The following PPP1R12B variants were observed in gnomAD, a reference collection of about 807,000 sequenced individuals.
PPP1R12B encodes the protein myosin phosphatase target subunit 2.
In PPP1R12B, 76 loss-of-function variants were observed where a neutral mutation model predicts 126.1. The ratio of observed to expected loss-of-function variants is 0.60; its 90% CI spans 0.50 to 0.73. PPP1R12B has a LOEUF of 0.73. Among genes scored for constraint, PPP1R12B ranks in the 30% least tolerant of loss-of-function variants. The probability of loss-of-function intolerance (pLI) is 0.00; values close to 1 mark genes in which losing one functional copy is unlikely to be tolerated. For missense variants in PPP1R12B, 1,052 were observed against 1,205.1 expected, an observed-to-expected ratio of 0.87 and a Z score of 1.88; for synonymous variants, 356 against 434.7, an observed-to-expected ratio of 0.82 and a Z score of 2.25.
chr1:202,407,418 T>C (rs1439854866), intron 1 of PPP1R12B, among the ~76,000 whole-genome samples: 1 of 152,202 alleles, frequency 6.6e-6, no homozygotes, highest in East Asian at 1.9e-4. Context: ...AGTATGACAC[T>C]TCATGGAAAA....
At chr1:202,480,932 A>G (rs776860282) in intron 13 of PPP1R12B, among the ~76,000 whole-genome samples, 5 of 152,202 alleles carry the variant, frequency 3.3e-5, no homozygotes, top group Non-Finnish European at 5.9e-5. Context: ...TTTTGGCACC[A>G]GGGACTGGTT....
chr1:202,528,662 C>T (rs1354854544), intron 18 of PPP1R12B, among the ~76,000 whole-genome samples: 2 of 152,136 alleles, frequency 1.3e-5, no homozygotes, highest in Admixed American at 1.3e-4. Context: ...GGAATTGTTT[C>T]CCCCATCCCC....
intron 20 of PPP1R12B, 117 bp downstream of exon 20, chr1:202,563,039 GTAA>G (rs1687689521): frequency 1.7e-6 from 2 of 1,185,698 alleles, no homozygotes; most frequent in Non-Finnish European, 2.3e-6. Context: ...AGGCACTTAA[GTAA>G]TAATAATTCC....
intron 1 of PPP1R12B, among the ~76,000 whole-genome samples, chr1:202,367,933 A>G (rs975257573): frequency 6.6e-6 from 1 of 151,718 alleles, no homozygotes; most frequent in African/African-American, 2.4e-5. Context: ...GCTGTTCTCA[A>G]GATAGTGAGT....
chr1:202,571,870 A>T (rs1229059370), intron 23 of PPP1R12B, among the ~76,000 whole-genome samples: 5 of 152,168 alleles, frequency 3.3e-5, no homozygotes, highest in African/African-American at 1.2e-4. Context: ...TAAAGCCCCT[A>T]AACACTATTT....
At chr1:202,493,752 A>G (rs1224827430) in intron 15 of PPP1R12B, among the ~76,000 whole-genome samples, 2 of 152,322 alleles carry the variant, frequency 1.3e-5, no homozygotes, top group African/African-American at 4.8e-5. Flanking sequence ...AAATTGAATC[A>G]CAGAGGTTAA....
At chr1:202,530,259 C>T (rs2148936704) in intron 18 of PPP1R12B, among the ~76,000 whole-genome samples, 1 of 152,268 alleles carries the variant, frequency 6.6e-6, no homozygotes, top group Non-Finnish European at 1.5e-5. Flanking sequence ...ATGCCAGTAG[C>T]ACCCTCCAAT....
intron 18 of PPP1R12B, among the ~76,000 whole-genome samples, chr1:202,545,961 A>T (rs1474562405): frequency 6.6e-6 from 1 of 152,164 alleles, no homozygotes; most frequent in Non-Finnish European, 1.5e-5. Context: ...AATTTTGAGG[A>T]TTTGGGGAGT....
At chr1:202,563,540 G>C (rs561528376) in intron 20 of PPP1R12B, among the ~76,000 whole-genome samples, 9 of 149,722 alleles carry the variant, frequency 6.0e-5, no homozygotes, top group Non-Finnish European at 1.2e-4. Context: ...GAGCCCCTGA[G>C]AATCATTTGG....
chr1:202,381,755 A>G (rs1468637074), intron 1 of PPP1R12B, among the ~76,000 whole-genome samples: 1 of 152,182 alleles, frequency 6.6e-6, no homozygotes, highest in Non-Finnish European at 1.5e-5. Context: ...TAGCATGTTA[A>G]TATTAGAATT....
At chr1:202,541,843 T>A (rs995305490) in intron 18 of PPP1R12B, among the ~76,000 whole-genome samples, 1 of 152,116 alleles carries the variant, frequency 6.6e-6, no homozygotes, top group African/African-American at 2.4e-5. Context: ...CCACCCCTCA[T>A]CCCTGCCTTT....
intron 13 of PPP1R12B, among the ~76,000 whole-genome samples, chr1:202,456,009 CTG>C (rs1050197451): frequency 6.6e-6 from 1 of 152,118 alleles, no homozygotes; most frequent in African/African-American, 2.4e-5. Flanking sequence ...TGACTCATGT[CTG>C]TAATCCCAGC....
At chr1:202,412,405 G>A (rs541886507) in intron 1 of PPP1R12B, among the ~76,000 whole-genome samples, 1 of 152,336 alleles carries the variant, frequency 6.6e-6, no homozygotes, top group African/African-American at 2.4e-5. Flanking sequence ...GAAGTAAGAG[G>A]GGAGGAAAGA....
chr1:202,490,145 G>A (rs777603929), intron 14 of PPP1R12B, among the ~76,000 whole-genome samples: 3 of 152,160 alleles, frequency 2.0e-5, no homozygotes, highest in Non-Finnish European at 4.4e-5. Flanking sequence ...AGAAAGATGA[G>A]CCCATGAAAC....
chr1:202,446,256 A>ATATTTTTTT (rs376183502), intron 12 of PPP1R12B, among the ~76,000 whole-genome samples: 5 of 54,340 alleles, frequency 9.2e-5, no homozygotes, highest in East Asian at 7.9e-4. Context: ...ATATATATAT[A>ATATTTTTTT]TTTTTTTTTT....
chr1:202,445,058 T>A, intron 12 of PPP1R12B: 1 of 1,247,314 alleles, frequency 8.0e-7, no homozygotes, highest in East Asian at 3.2e-5. Context: ...CTTCATTTGG[T>A]AGAAGTAGTG....
At chr1:202,520,801 A>G (rs1324723016) in intron 18 of PPP1R12B, among the ~76,000 whole-genome samples, 2 of 152,242 alleles carry the variant, frequency 1.3e-5, no homozygotes, top group East Asian at 1.9e-4. Context: ...GAAATTATGC[A>G]TAAATATTTT....
At chr1:202,579,006 C>T (rs1192217681) in intron 23 of PPP1R12B, among the ~76,000 whole-genome samples, 1 of 152,180 alleles carries the variant, frequency 6.6e-6, no homozygotes, top group Non-Finnish European at 1.5e-5. Flanking sequence ...CTAGTTATGG[C>T]ACTTTTCATT....
In PPP1R12B at chr1:202,448,973, T is replaced by C. The variant is rs34198651; in HGVS notation, c.1668-16T>C. 1 of 1,612,662 alleles carries C rather than the reference T, an allele frequency of 6.2e-7. No individual in the cohort carries two copies. Among genetic ancestry groups the C allele is most frequent in the Non-Finnish European group, 8.5e-7 (1 of 1,178,792 alleles). On this transcript the variant is annotated splice_polypyrimidine_tract_variant and intron_variant, in intron 12 of 23. Coordinates refer to ENST00000608999, the MANE Select transcript of PPP1R12B (RefSeq NM_002481.4). ...CCTAACCATTTCCTTTCTGCTTGTA[T>C]CTTTTTAAATTTCAGGACTCCTCAC... is the stretch of plus-strand genomic sequence containing the variant.
Sources: allele counts gnomAD v4.1 joint callset (sites outside exome capture counted in the v4.1 genomes callset), GRCh38; gene constraint gnomAD v4.1.1; transcripts MANE v1.5; gene names NCBI Gene and HGNC (gene_info 2026-07-23, HGNC 2026-07-21).